The following ZNF462 variants were observed in gnomAD, a reference collection of about 807,000 sequenced individuals.
ZNF462 encodes zinc finger PBX1-interacting protein.
A neutral mutation model predicts 201.9 loss-of-function variants in ZNF462; 10 were observed. That is an observed-to-expected ratio of 0.05 (90% CI 0.03 to 0.08). The LOEUF is 0.08. Among genes scored for constraint, ZNF462 ranks in the 10% least tolerant of loss-of-function variants. The pLI is 1.00. For synonymous variants in ZNF462, 1,227 were observed against 1,193.3 expected (o/e 1.03, Z -0.58); for missense variants, 2,523 against 3,168.3 (o/e 0.80, Z 4.89).
chr9:106,932,232 T>A lies in ZNF462; in HGVS notation c.6013-214T>A. ...TGATGATGGATATTTATTTTGTTGG[T>A]GGGGCATGTGTGTGTGTGTGGTTCT... On this transcript the variant is annotated intron_variant, in intron 4 of 12. Transcript: ENST00000277225. The surrounding 1 kb of genome is among the most constrained non-coding windows in gnomAD (Gnocchi z 6.8). 6.5e-7 allele frequency: 1 copy of A among 1,547,642 alleles called. No homozygotes were observed. The highest frequency in any genetic ancestry group is 8.7e-7 in the Non-Finnish European group (1 of 1,146,216).
chr9:106,998,556 C>G (rs1828920055), intron 10 of ZNF462, among the ~76,000 whole-genome samples: 2 of 152,068 alleles, frequency 1.3e-5, no homozygotes, highest in African/African-American at 4.8e-5. Context: ...AGTGTCCTCA[C>G]TTCATTGTTA....
rs150509246 is a variant in ZNF462 at position 106,917,016 on chromosome 9, G to A, written c.-30-6338G>A. Among the ~76,000 whole-genome samples, 500 of 152,162 alleles carry A rather than the reference G, an allele frequency of 3.3e-3. 1 individual carries two copies. The highest frequency in any genetic ancestry group is 0.012 in the African/African-American group (482 of 41,504). ...TCAAATCACACGCTTCCTTTTCTAC[G>A]GACAGGAGAGCTGGCAGACTGCCTA... is the stretch of plus-strand genomic sequence containing the variant. On this transcript the variant is annotated intron_variant, in intron 1 of 12. Transcript: ENST00000277225. The surrounding 1 kb of genome is among the most constrained non-coding windows in gnomAD (Gnocchi z 4.5).
intron 7 of ZNF462, among the ~76,000 whole-genome samples, chr9:106,955,817 A>G (rs1358945418): frequency 2.0e-5 from 3 of 152,180 alleles, no homozygotes; most frequent in Admixed American, 6.6e-5. Context: ...TTGTTCCTCT[A>G]TAAAAAGCAA....
intron 10 of ZNF462, among the ~76,000 whole-genome samples, chr9:106,989,490 T>G (rs1054837417): frequency 2.6e-5 from 4 of 152,154 alleles, no homozygotes; most frequent in African/African-American, 9.7e-5. Flanking sequence ...GGTATCAGTC[T>G]GTAGTTTTCT....
At chr9:106,986,972 C>T (rs1463719178) in intron 10 of ZNF462, among the ~76,000 whole-genome samples, 1 of 143,652 alleles carries the variant, frequency 7.0e-6, no homozygotes, top group Non-Finnish European at 1.5e-5. Context: ...GAGTAGTATT[C>T]CATCATAGAT....
At chr9:106,982,092 C>T (rs138944621) in intron 9 of ZNF462, among the ~76,000 whole-genome samples, 366 of 150,578 alleles carry the variant, frequency 2.4e-3, no homozygotes, top group African/African-American at 8.6e-3. Context: ...GGCAGTTCCC[C>T]GTGGTTCAGC....
chr9:106,957,484 G>A (rs1042969362), intron 7 of ZNF462, among the ~76,000 whole-genome samples: 3 of 152,112 alleles, frequency 2.0e-5, no homozygotes, highest in African/African-American at 7.2e-5. Flanking sequence ...ATGAGTACCT[G>A]TTGCTGGAAA....
At chr9:106,946,254 T>C (rs1046506665) in intron 7 of ZNF462, among the ~76,000 whole-genome samples, 4 of 152,188 alleles carry the variant, frequency 2.6e-5, no homozygotes, top group Non-Finnish European at 5.9e-5. Flanking sequence ...CAGACCTCAT[T>C]TGTGGAAAGT....
chr9:106,932,309 C>T lies in ZNF462; in HGVS notation c.6013-137C>T, dbSNP rs1231725340. 6.4e-7 allele frequency: 1 copy of T among 1,553,242 alleles called. No individual in the cohort carries two copies. The highest frequency in any genetic ancestry group is 2.4e-5 in the East Asian group (1 of 40,998). On this transcript the variant is annotated intron_variant, in intron 4 of 12. Coordinates refer to ENST00000277225, the MANE Select transcript of ZNF462 (RefSeq NM_021224.6). The surrounding 1 kb of genome is among the most constrained non-coding windows in gnomAD (Gnocchi z 6.8). The stretch of plus-strand genomic sequence containing the variant: ...CACTTGTTCCTGGATGGATTGGAAG[C>T]AGCCAAAGACGCCAGTGGCGCCCTG...
chr9:106,862,971 T>C (rs1827119689), upstream of ZNF462: 1 of 396,094 alleles, frequency 2.5e-6, no homozygotes, highest in Non-Finnish European at 4.4e-6. The surrounding 1 kb of genome is among the most constrained non-coding windows in gnomAD (Gnocchi z 4.2). Flanking sequence ...CTGTCTTGCT[T>C]TCTCTCTCCC....
chr9:106,897,985 C>A (rs1828883376), intron 1 of ZNF462, among the ~76,000 whole-genome samples: 1 of 152,216 alleles, frequency 6.6e-6, no homozygotes, highest in Admixed American at 6.5e-5. Flanking sequence ...AGTTCCTCAG[C>A]ATTAGCAAAT....
Position 106,926,084 on chromosome 9 carries a change from A to C in ZNF462, c.2172A>C (p.Glu724Asp). 1 of 1,614,234 alleles carries C rather than the reference A, an allele frequency of 6.2e-7. No homozygotes were observed. Among genetic ancestry groups the C allele is most frequent in the Non-Finnish European group, 8.5e-7 (1 of 1,180,050 alleles). Residue 724 changes from glutamate to aspartate, a missense_variant, in exon 3 of 13, where the codon GAA (glutamate) becomes GAC (aspartate). By Grantham distance (45) the Glu-to-Asp change is conservative. Around this residue, in one of 15 missense-constraint regions of ZNF462, gnomAD observed 383 missense variants for 453.4 expected, o/e 0.84. Coordinates refer to ENST00000277225, the MANE Select transcript of ZNF462 (RefSeq NM_021224.6). This position sits in a 1 kb window ranked among gnomAD's most constrained non-coding sequence, Gnocchi z 7.9. ...CAGTGATCAATGTTGAGGATGATGAAGAGGAAGAGGAAGACAACGAAGTCG... is the reference window on the plus strand; with the variant it reads ...CAGTGATCAATGTTGAGGATGATGACGAGGAAGAGGAAGACAACGAAGTCG... ...EDAVINVEDD[E>D]EEEEDNEVEI...
chr9:107,004,585 T>C (rs1295182952), intron 11 of ZNF462, among the ~76,000 whole-genome samples: 1 of 152,166 alleles, frequency 6.6e-6, no homozygotes, highest in Non-Finnish European at 1.5e-5. Context: ...ACTTTTTAAA[T>C]TTACTTTTTT....
In ZNF462 at chr9:106,938,913, C is replaced by T. The variant is rs1830746180; in HGVS notation, c.6236-3C>T. ...TCTATTTCTTGTCACCATCCTCTTC[C>T]AGGTGAGCATGCCTACAAGTGTTCT... On this transcript the variant is annotated splice_polypyrimidine_tract_variant and splice_region_variant and intron_variant, in intron 6 of 12. Transcript: ENST00000277225. This position sits in a 1 kb window ranked among gnomAD's most constrained non-coding sequence, Gnocchi z 4.4. 6.2e-7 allele frequency: 1 copy of T among 1,601,774 alleles called. No individual in the cohort carries two copies. Among genetic ancestry groups the T allele is most frequent in the South Asian group, 1.1e-5 (1 of 88,362 alleles).
intron 1 of ZNF462, among the ~76,000 whole-genome samples, chr9:106,908,931 ATATATATATATTTTTTTTTTTTTTTTTT>A (rs1829406428): frequency 9.0e-5 from 3 of 33,242 alleles, no homozygotes; most frequent in South Asian, 1.4e-3. Context: ...ATATATATAT[ATATATATATATTTTTTTTTTTTTTTTTT>A]TTTTTTTTTT....
intron 1 of ZNF462, among the ~76,000 whole-genome samples, chr9:106,892,453 T>A (rs908090519): frequency 9.9e-5 from 15 of 152,048 alleles, no homozygotes; most frequent in African/African-American, 3.6e-4. Context: ...AATCTCAGGG[T>A]CTCACAGTGT....
intron 1 of ZNF462, among the ~76,000 whole-genome samples, chr9:106,879,184 G>A (rs1422027673): frequency 2.0e-5 from 3 of 152,142 alleles, no homozygotes; most frequent in African/African-American, 7.2e-5. Flanking sequence ...CCGCTGTGAC[G>A]CAGGAGATAA....
rs1829336290 is a variant in ZNF462 at position 107,003,413 on chromosome 9, G to A, written c.7176G>A (p.Lys2392=). Residue 2392 remains lysine, a synonymous_variant, in exon 11 of 13, where the codon AAG becomes AAA. Transcript: ENST00000277225. This position sits in a 1 kb window ranked among gnomAD's most constrained non-coding sequence, Gnocchi z 4.4. Reference sequence around the variant, plus strand: ...ACAAGGAAGAAGAAATGAACAGCAAGGCTGAAGACAGAGGTTAGTCTCATC... The same window carrying A: ...ACAAGGAAGAAGAAATGAACAGCAAAGCTGAAGACAGAGGTTAGTCTCATC... ...DEDKEEEMNS[K]AEDRELMRFS... 1.9e-6 allele frequency: 3 copies of A among 1,613,600 alleles called. No individual in the cohort carries two copies. The highest frequency in any genetic ancestry group is 2.5e-6 in the Non-Finnish European group (3 of 1,179,740).
Position 106,917,159 on chromosome 9 carries a change from A to G in ZNF462, c.-30-6195A>G, listed in dbSNP as rs552811250. Among the ~76,000 whole-genome samples, 194 of 152,320 alleles carry G rather than the reference A, an allele frequency of 1.3e-3. No homozygotes were observed. The highest frequency in any genetic ancestry group is 4.5e-3 in the African/African-American group (189 of 41,574). On this transcript the variant is annotated intron_variant, in intron 1 of 12. Coordinates refer to ENST00000277225, the MANE Select transcript of ZNF462 (RefSeq NM_021224.6). This position sits in a 1 kb window ranked among gnomAD's most constrained non-coding sequence, Gnocchi z 4.5. ...TTACTACCTGCTTTCATAACAGGTC[A>G]CTCAGCCGGAATGACTTCTTATTTA...
Sources: gnomAD v4.1 joint callset for allele counts (sites outside exome capture counted in the v4.1 genomes callset) on GRCh38, gnomAD v4.1.1 for gene constraint, gnomAD v4.1.1 regional missense constraint, Gnocchi (gnomAD v3.1) non-coding constraint, MANE v1.5 for transcripts, NCBI Gene and HGNC (gene_info 2026-07-23, HGNC 2026-07-21) for gene names.